The following SRD5A2 variants were observed in gnomAD, a reference collection of about 807,000 sequenced individuals.
SRD5A2 encodes the protein 3-oxo-5-alpha-steroid 4-dehydrogenase 2.
In SRD5A2, 30 loss-of-function variants were observed where a neutral mutation model predicts 27.4. The ratio of observed to expected loss-of-function variants is 1.10; its 90% CI spans 0.82 to 1.49. The LOEUF is 1.49. Among genes scored for constraint, SRD5A2 ranks in the 40% most tolerant of loss-of-function variants. The probability of loss-of-function intolerance (pLI) is 0.00; values close to 1 mark genes in which losing one functional copy is unlikely to be tolerated. For missense variants in SRD5A2, 348 were observed against 323.4 expected (o/e 1.08, Z -0.58); for synonymous variants, 141 against 133.6 (o/e 1.06, Z -0.38).
chr2:31,561,392 T>C (rs1356149087), intron 1 of SRD5A2, among the ~76,000 whole-genome samples: 1 of 152,188 alleles, frequency 6.6e-6, no homozygotes, highest in Non-Finnish European at 1.5e-5. Context: ...CCCATCTTAC[T>C]CTGCCATGCT....
At chr2:31,636,575 T>C in the SRD5A2 span, among the ~76,000 whole-genome samples, 1 of 152,122 alleles carries the variant, frequency 6.6e-6, no homozygotes, top group African/African-American at 2.4e-5. Flanking sequence ...AGGAAAGGTC[T>C]TCACATTTTC....
chr2:31,564,028 C>G (rs1016547350), intron 1 of SRD5A2, among the ~76,000 whole-genome samples: 1 of 152,046 alleles, frequency 6.6e-6, no homozygotes, highest in African/African-American at 2.4e-5. Context: ...GTACAATTTT[C>G]TGACCCTCCA....
chr2:31,621,634 T>G, the SRD5A2 span, among the ~76,000 whole-genome samples: 13 of 152,164 alleles, frequency 8.5e-5, no homozygotes, highest in Admixed American at 3.9e-4. Context: ...TGTTTTGTTT[T>G]GCTTTGTTTT....
In SRD5A2 at chr2:31,533,592, G is replaced by A. The variant is rs540377336; in HGVS notation, c.445+11C>T. 6.7e-5 allele frequency: 104 copies of A among 1,550,778 alleles called. No homozygotes were observed. The highest frequency in any genetic ancestry group is 7.3e-5 in the Non-Finnish European group (84 of 1,146,444). ...CTGGGAAGTAGGTGAGAAGTGGGCA[G>A]ATTCACTTACCCAAGCTAAACCGTA... On this transcript the variant is annotated intron_variant, in intron 2 of 4. Coordinates refer to ENST00000622030, the MANE Select transcript of SRD5A2 (RefSeq NM_000348.4).
chr2:31,642,671 T>C, the SRD5A2 span, among the ~76,000 whole-genome samples: 1 of 151,558 alleles, frequency 6.6e-6, no homozygotes, highest in Non-Finnish European at 1.5e-5. Flanking sequence ...AAGGTATTCA[T>C]CCCCCCCAAA....
chr2:31,660,124 T>C, the SRD5A2 span, among the ~76,000 whole-genome samples: 2 of 152,230 alleles, frequency 1.3e-5, no homozygotes, highest in African/African-American at 4.8e-5. Flanking sequence ...AATACAATTA[T>C]AATTTTTTAA....
intron 1 of SRD5A2, among the ~76,000 whole-genome samples, chr2:31,539,246 A>G (rs1056995731): frequency 2.0e-5 from 3 of 152,226 alleles, no homozygotes; most frequent in African/African-American, 7.2e-5. Flanking sequence ...ATTTTGCCTC[A>G]TATATTCCAG....
At chr2:31,543,184 G>A (rs908157519) in intron 1 of SRD5A2, among the ~76,000 whole-genome samples, 1 of 152,142 alleles carries the variant, frequency 6.6e-6, no homozygotes, top group African/African-American at 2.4e-5. Flanking sequence ...AAACTGTCAA[G>A]CAAGAACACC....
upstream of SRD5A2, among the ~76,000 whole-genome samples, chr2:31,582,546 T>C (rs916900443): frequency 2.6e-5 from 4 of 152,214 alleles, no homozygotes; most frequent in Non-Finnish European, 4.4e-5. Context: ...CGTTTCAAGC[T>C]TTTTTTGCAC....
the SRD5A2 span, among the ~76,000 whole-genome samples, chr2:31,617,114 C>A: frequency 6.6e-5 from 10 of 152,074 alleles, no homozygotes; most frequent in Non-Finnish European, 1.2e-4. Context: ...TGAGGCTTCC[C>A]CAGCCACGAG....
At chr2:31,630,541 G>T in the SRD5A2 span, among the ~76,000 whole-genome samples, 1 of 152,144 alleles carries the variant, frequency 6.6e-6, no homozygotes, top group Non-Finnish European at 1.5e-5. Flanking sequence ...ACAACCAGTA[G>T]CCTTCCTATC....
intron 1 of SRD5A2, among the ~76,000 whole-genome samples, chr2:31,544,090 A>C (rs559187288): frequency 6.6e-6 from 1 of 152,206 alleles, no homozygotes; most frequent in South Asian, 2.1e-4. Context: ...GGTTACAAGA[A>C]ACAAAAAAAG....
chr2:31,531,316 TC>T, intron 3 of SRD5A2, 54 bp downstream of exon 3: 1 of 1,302,442 alleles, frequency 7.7e-7, no homozygotes, highest in Non-Finnish European at 1.1e-6. Flanking sequence ...CATAGCATCA[TC>T]CCTGGGACAG....
chr2:31,568,102 C>T (rs1416719560), intron 1 of SRD5A2, among the ~76,000 whole-genome samples: 3 of 152,274 alleles, frequency 2.0e-5, no homozygotes, highest in Middle Eastern at 3.4e-3. Context: ...TGGGCACCCA[C>T]ATCTGGATGA....
At chr2:31,596,839 C>T in the SRD5A2 span, among the ~76,000 whole-genome samples, 9 of 152,090 alleles carry the variant, frequency 5.9e-5, no homozygotes, top group African/African-American at 1.9e-4. Flanking sequence ...TGAAAGGAAT[C>T]ATAGGTGACA....
chr2:31,523,409 A>G lies in SRD5A2; in HGVS notation c.*2787T>C, dbSNP rs980735515. ...GCTGTGCCTTAAGCAGAAGAAGCAT[A>G]CATCTGACCCTCAAAGGGACAAAAT... On this transcript the variant is annotated 3_prime_UTR_variant, in exon 5 of 5. Coordinates refer to ENST00000622030, the MANE Select transcript of SRD5A2 (RefSeq NM_000348.4). The G allele has an allele frequency of 9.2e-6, 2 of 216,434 alleles. No homozygotes were observed. The highest frequency in any genetic ancestry group is 1.9e-5 in the Non-Finnish European group (2 of 107,572). 13.4% of individuals were successfully genotyped at this position (216,434 alleles called of 1,614,324 possible). A position where few individuals can be genotyped will look rare whatever the true frequency, so the allele number is the denominator to read the frequency against.
At chr2:31,597,479 T>C in the SRD5A2 span, among the ~76,000 whole-genome samples, 1 of 152,018 alleles carries the variant, frequency 6.6e-6, no homozygotes, top group Admixed American at 6.6e-5. Context: ...CTAAAAAGCT[T>C]CTGCATAGCA....
chr2:31,661,854 TTTTTTCTC>T, the SRD5A2 span, among the ~76,000 whole-genome samples: 3 of 152,164 alleles, frequency 2.0e-5, no homozygotes, highest in Admixed American at 1.3e-4. Flanking sequence ...TTCAACCATT[TTTTTTCTC>T]TATGTACTTC....
At chr2:31,591,687 C>T in the SRD5A2 span, among the ~76,000 whole-genome samples, 3 of 148,446 alleles carry the variant, frequency 2.0e-5, no homozygotes, top group South Asian at 2.2e-4. Flanking sequence ...GGAACCAAGC[C>T]AAATGTGCAA....
Sources: allele counts gnomAD v4.1 joint callset (sites outside exome capture counted in the v4.1 genomes callset), GRCh38; gene constraint gnomAD v4.1.1; transcripts MANE v1.5; gene names NCBI Gene and HGNC (gene_info 2026-07-23, HGNC 2026-07-21).